Variants in DMD observed in about 807,000 individuals in gnomAD.
The protein encoded by DMD is dystrophin.
Under a neutral mutation model 330.1 loss-of-function variants are expected in DMD, and 63 were observed. The ratio of observed to expected loss-of-function variants is 0.19; its 90% CI spans 0.16 to 0.24. The LOEUF (loss-of-function observed/expected upper bound fraction) is 0.24. Among genes scored for constraint, DMD ranks in the 10% least tolerant of loss-of-function variants. DMD has a pLI of 1.00. For synonymous variants in DMD, 1,223 were observed against 959.8 expected, an observed-to-expected ratio of 1.27 and a Z score of -5.07; for missense variants, 3,344 against 2,684.1, an observed-to-expected ratio of 1.25 and a Z score of -5.43.
intron 1 of DMD, among the ~76,000 whole-genome samples, chrX:33,107,333 C>T (rs1603291769): frequency 3.5e-5 from 2 of 57,935 alleles, no homozygotes; most frequent in Non-Finnish European, 6.8e-5. Flanking sequence ...CCAACACACA[C>T]AAAAAAAACA....
intron 62 of DMD, among the ~76,000 whole-genome samples, chrX:31,320,496 A>G (rs1231108478): frequency 8.9e-6 from 1 of 112,351 alleles, no homozygotes; most frequent in Non-Finnish European, 1.9e-5. Context: ...GATAAAAAAG[A>G]GGAAAAATGA....
At chrX:33,155,431 T>C (rs1467333480) in intron 1 of DMD, among the ~76,000 whole-genome samples, 3 of 109,882 alleles carry the variant, frequency 2.7e-5, no homozygotes, top group African/African-American at 1.0e-4. Flanking sequence ...TTCTCCTGCC[T>C]TGGCCTCCTG....
intron 1 of DMD, among the ~76,000 whole-genome samples, chrX:33,071,090 T>C (rs188151697): frequency 5.0e-4 from 56 of 111,251 alleles, no homozygotes; most frequent in African/African-American, 1.8e-3. Flanking sequence ...TGTGACTTTA[T>C]CACTTACTAA....
At chrX:32,760,636 G>A (rs2072152437) in intron 7 of DMD, among the ~76,000 whole-genome samples, 1 of 111,833 alleles carries the variant, frequency 8.9e-6, no homozygotes, top group African/African-American at 3.2e-5. Flanking sequence ...TATGAATTAT[G>A]GTTGCAGGAG....
chrX:32,337,303 T>A (rs765039559), intron 41 of DMD, among the ~76,000 whole-genome samples: 2 of 109,752 alleles, frequency 1.8e-5, no homozygotes, highest in South Asian at 7.9e-4. Context: ...TAGATGCCAA[T>A]TAACGTAGAT....
intron 52 of DMD, among the ~76,000 whole-genome samples, chrX:31,727,075 T>C (rs1443171619): frequency 8.9e-6 from 1 of 111,960 alleles, no homozygotes; most frequent in African/African-American, 3.3e-5. Flanking sequence ...GAACAAATAC[T>C]GTATAATACA....
intron 1 of DMD, among the ~76,000 whole-genome samples, chrX:33,219,341 T>C (rs1023900663): frequency 1.1e-5 from 1 of 94,012 alleles, no homozygotes; most frequent in African/African-American, 4.7e-5. Context: ...TGTGTGTGTG[T>C]GTGTGTGTGT....
In DMD at chrX:31,194,936, T is replaced by A. The variant is rs751445457; in HGVS notation, c.9807+9025A>T. On this transcript the variant is annotated intron_variant, in intron 67 of 78. Transcript: ENST00000357033. ...CATCTCCTCATCGACTCTGCCTAGA[T>A]GTGCTTTTCCTAGATCCCTAAATGT... Among the ~76,000 whole-genome samples, 5 of 111,996 alleles carry A rather than the reference T, an allele frequency of 4.5e-5. No individual in the cohort carries two copies. In the South Asian group the frequency reaches 1.9e-3, roughly 42 times the overall value.
intron 1 of DMD, among the ~76,000 whole-genome samples, chrX:33,063,266 G>A (rs1311095934): frequency 1.8e-5 from 2 of 111,215 alleles, no homozygotes; most frequent in Non-Finnish European, 3.8e-5. Context: ...CAGAGACTCT[G>A]CCAAATTTTC....
At chrX:32,614,185 T>C in intron 12 of DMD, 118 bp downstream of exon 12, 1 of 767,164 alleles carries the variant, frequency 1.3e-6, no homozygotes, top group Non-Finnish European at 1.9e-6. Context: ...TTTTAAAATA[T>C]GGCTGACTTT....
chrX:33,084,509 C>A (rs1218460313), intron 1 of DMD, among the ~76,000 whole-genome samples: 1 of 111,397 alleles, frequency 9.0e-6, no homozygotes, highest in Non-Finnish European at 1.9e-5. Flanking sequence ...GCTGACTGGT[C>A]AGAGATGAAA....
intron 47 of DMD, among the ~76,000 whole-genome samples, chrX:31,914,356 T>C (rs141797199): frequency 0.055 from 6,137 of 111,800 alleles, 417 homozygotes; most frequent in African/African-American, 0.18. Flanking sequence ...AGAGCTTCCC[T>C]ATGATCCAGC....
intron 2 of DMD, among the ~76,000 whole-genome samples, chrX:32,912,127 A>G (rs1398256496): frequency 1.8e-5 from 2 of 109,715 alleles, no homozygotes; most frequent in Non-Finnish European, 3.8e-5. Context: ...GGCAGGGTGC[A>G]TGAATTCAGT....
chrX:31,720,567 G>A (rs1236969823), intron 52 of DMD, among the ~76,000 whole-genome samples: 4 of 111,580 alleles, frequency 3.6e-5, no homozygotes, highest in Non-Finnish European at 5.6e-5. Context: ...CACTTTGTCT[G>A]AGTATAAAAT....
At chrX:31,177,906 C>T (rs1458150445) in intron 71 of DMD, 26 bp downstream of exon 71, 4 of 1,176,434 alleles carry the variant, frequency 3.4e-6, no homozygotes, top group Non-Finnish European at 4.6e-6. Flanking sequence ...GTGGTAGCAG[C>T]ACCCTTCAGC....
chrX:32,736,243 G>C (rs1215045380), intron 7 of DMD, among the ~76,000 whole-genome samples: 1 of 111,200 alleles, frequency 9.0e-6, no homozygotes, highest in Admixed American at 9.6e-5. Context: ...TTAGAATGGC[G>C]ATCATTAAAA....
chrX:33,031,390 C>T (rs1456507425), intron 1 of DMD, among the ~76,000 whole-genome samples: 1 of 111,143 alleles, frequency 9.0e-6, no homozygotes, highest in East Asian at 2.8e-4. Flanking sequence ...CCAGAATGGC[C>T]CATAGGAGCA....
At chrX:31,766,033 A>G (rs996662365) in intron 51 of DMD, among the ~76,000 whole-genome samples, 2 of 111,424 alleles carry the variant, frequency 1.8e-5, no homozygotes, top group Non-Finnish European at 3.8e-5. Flanking sequence ...TTAAGGACCA[A>G]AAGTTATGGT....
At chrX:31,561,406 G>C (rs2075190033) in intron 55 of DMD, among the ~76,000 whole-genome samples, 2 of 111,522 alleles carry the variant, frequency 1.8e-5, no homozygotes, top group African/African-American at 6.5e-5. Flanking sequence ...CTGTTCATTG[G>C]AGAGGTCCTA....
Sources: allele counts gnomAD v4.1 joint callset (sites outside exome capture counted in the v4.1 genomes callset), GRCh38; gene constraint gnomAD v4.1.1; transcripts MANE v1.5; gene names NCBI Gene and HGNC (gene_info 2026-07-23, HGNC 2026-07-21).